Variants in DIP2A observed in about 807,000 individuals in gnomAD.
DIP2A encodes the protein DIP2 acetate--CoA ligase A.
DIP2A carries 85 observed loss-of-function variants against 177.4 expected under a neutral mutation model. That is an observed-to-expected ratio of 0.48 (90% CI 0.40 to 0.57). The LOEUF is 0.57. Ranked by LOEUF, DIP2A falls within the 20% of genes least tolerant of loss-of-function variation. The pLI, the probability that DIP2A is intolerant of heterozygous loss-of-function variation, is 0.00. For synonymous variants in DIP2A, 886 were observed against 881.8 expected, an observed-to-expected ratio of 1.00 and a Z score of -0.08; for missense variants, 1,791 against 2,100.2, an observed-to-expected ratio of 0.85 and a Z score of 2.88.
intron 32 of DIP2A, among the ~76,000 whole-genome samples, chr21:46,559,984 G>T (rs2060611331): frequency 6.6e-6 from 1 of 152,124 alleles, no homozygotes; most frequent in African/African-American, 2.4e-5. Flanking sequence ...TGTTCACAGT[G>T]GATATTACTT....
In DIP2A at chr21:46,547,028, T is replaced by C. The variant is rs756098938; in HGVS notation, c.2508T>C (p.Phe836=). The C allele has an allele frequency of 1.2e-6, 2 of 1,613,938 alleles. No homozygotes were observed. The highest frequency in any genetic ancestry group is 3.3e-5 in the Admixed American group (2 of 60,026). Residue 836 remains phenylalanine (F), a synonymous_variant, in exon 21 of 38, where the codon TTT becomes TTC. Transcript: ENST00000417564. ...CACTGGCCGTGGAGCCCATGAAGTT[T>C]GTCTACAGAGGCAGGTGATGCGCTG... ...ATALAVEPMK[F]VYRGRIAVFS...
Position 46,554,468 on chromosome 21 carries a change from A to G in DIP2A, c.3155-107A>G, listed in dbSNP as rs748424759. 8.2e-5 allele frequency: 126 copies of G among 1,544,972 alleles called. 1 individual carries two copies. The highest frequency in any genetic ancestry group is 1.1e-4 in the Non-Finnish European group (125 of 1,142,992). On this transcript the variant is annotated intron_variant, in intron 26 of 37. Coordinates refer to ENST00000417564, the MANE Select transcript of DIP2A (RefSeq NM_015151.4). ...CCCTGTGGAAACCCAGGAGTCACCC[A>G]TGCCCCCCCAGCACCACCTCCCCTC... is the stretch of plus-strand genomic sequence containing the variant.
chr21:46,532,301 A>C, intron 10 of DIP2A, 64 bp downstream of exon 10: 2 of 1,366,734 alleles, frequency 1.5e-6, no homozygotes, highest in South Asian at 2.5e-5. Flanking sequence ...GCAGTATCTT[A>C]CTTCCTTTTC....
intron 9 of DIP2A, among the ~76,000 whole-genome samples, chr21:46,529,539 T>A (rs777492677): frequency 6.6e-6 from 1 of 151,242 alleles, no homozygotes; most frequent in Non-Finnish European, 1.5e-5. Flanking sequence ...AGGTGGAGGT[T>A]GTAGTGAGCC....
At chr21:46,495,244 T>TTCTCTTCTTTCTC (rs2057275285) in intron 3 of DIP2A, among the ~76,000 whole-genome samples, 42 of 38,156 alleles carry the variant, frequency 1.1e-3, no homozygotes, top group East Asian at 5.9e-3. Flanking sequence ...CTTCTCTTCT[T>TTCTCTTCTTTCTC]TCTCTCTCTC....
intron 1 of DIP2A, among the ~76,000 whole-genome samples, chr21:46,468,473 T>G (rs2055057451): frequency 6.6e-6 from 1 of 151,344 alleles, no homozygotes; most frequent in South Asian, 2.1e-4. Flanking sequence ...AGCCCACTTG[T>G]GTCAGAAATT....
At chr21:46,574,559 A>G (rs1314064560), downstream of DIP2A, among the ~76,000 whole-genome samples, 3 of 152,140 alleles carry the variant, frequency 2.0e-5, no homozygotes, top group South Asian at 2.1e-4. Flanking sequence ...AACAAAATTG[A>G]CATTTTAGCT....
At position 46,504,361 on chromosome 21, in the gene DIP2A, A is replaced by G. The variant is rs750125539; in HGVS notation, c.656A>G (p.Asp219Gly). 2 of 1,613,812 alleles carry G rather than the reference A, an allele frequency of 1.2e-6. No homozygotes were observed. Among genetic ancestry groups the G allele is most frequent in the Non-Finnish European group, 1.7e-6 (2 of 1,179,814 alleles). Residue 219 changes from aspartate (D) to glycine (G), a missense_variant and splice_region_variant, in exon 6 of 38, where the codon GAT (aspartate) becomes GGT (glycine). Asp to Gly is a moderately conservative substitution (Grantham distance 94, BLOSUM62 -1). Transcript: ENST00000417564. ...LAGLEAHTHIDLHSAPPDVTT... is the reference protein window; with the variant it reads ...LAGLEAHTHIGLHSAPPDVTT... ...TTTTGGGTGTGTTTTTCAAAAGCAG[A>G]TCTGCATTCTGCCCCTCCTGATGTC...
At chr21:46,539,756 T>G (rs1274028713) in intron 16 of DIP2A, 121 bp from the exon 17 acceptor site, 2 of 818,112 alleles carry the variant, frequency 2.4e-6, no homozygotes, top group Non-Finnish European at 4.3e-6. Context: ...CCCTTCCTTC[T>G]GCTGATGCAG....
Position 46,563,390 on chromosome 21 carries a change from C to T in DIP2A, c.4090-468C>T, listed in dbSNP as rs115728142. Among the ~76,000 whole-genome samples, 106 of 152,326 alleles carry T rather than the reference C, an allele frequency of 7.0e-4. No individual in the cohort carries two copies. The highest frequency in any genetic ancestry group is 2.4e-3 in the African/African-American group (98 of 41,574). Reference sequence around the variant, plus strand: ...CAGGTAAGAGATGGTGGCCTCTTGCCGTCCTGAATTGGCACAGAGCCAGTG... The same window carrying T: ...CAGGTAAGAGATGGTGGCCTCTTGCTGTCCTGAATTGGCACAGAGCCAGTG... On this transcript the variant is annotated intron_variant, in intron 34 of 37. Coordinates refer to ENST00000417564, the MANE Select transcript of DIP2A (RefSeq NM_015151.4). This position sits in a 1 kb window ranked among gnomAD's most constrained non-coding sequence, Gnocchi z 4.3.
chr21:46,496,858 T>TG, intron 3 of DIP2A, 130 bp from the exon 4 acceptor site: 1 of 833,854 alleles, frequency 1.2e-6, no homozygotes, highest in Non-Finnish European at 1.7e-6. Flanking sequence ...AGGACCAACA[T>TG]GTGAGGATAG....
chr21:46,477,960 A>T (rs1038744655), intron 1 of DIP2A, among the ~76,000 whole-genome samples: 1 of 151,950 alleles, frequency 6.6e-6, no homozygotes, highest in Non-Finnish European at 1.5e-5. Flanking sequence ...TTTCATTTCT[A>T]TTGCAGTTGG....
rs141944661 is a variant in DIP2A, at chr21:46,537,666, C to T, written c.1801+127C>T. The T allele has an allele frequency of 2.8e-4, 260 of 935,032 alleles. 1 individual carries two copies. In the East Asian group the frequency reaches 4.2e-3, roughly 15 times the overall value. The allele number at this position is 935,032 out of a possible 1,614,324, so 57.9% of individuals were successfully genotyped here. The stretch of plus-strand genomic sequence containing the variant: ...AGATGTAGGCTGAAGAGCTGTGGGA[C>T]GTCTTTCTTGGTCACACCCCTGCCC... On this transcript the variant is annotated intron_variant, in intron 15 of 37. Coordinates refer to ENST00000417564, the MANE Select transcript of DIP2A (RefSeq NM_015151.4). The surrounding 1 kb of genome is among the most constrained non-coding windows in gnomAD (Gnocchi z 4.1).
Position 46,557,343 on chromosome 21 carries a change from G to C in DIP2A, c.3630-242G>C, listed in dbSNP as rs187509184. The C allele has an allele frequency of 1.7e-3, 1,045 of 625,514 alleles. 7 individuals are homozygous for C. Among genetic ancestry groups the C allele is most frequent in the Non-Finnish European group, 2.3e-3 (840 of 366,698 alleles). 38.7% of individuals were successfully genotyped at this position (625,514 alleles called of 1,614,324 possible). A position where few individuals can be genotyped will look rare whatever the true frequency, so the allele number is the denominator to read the frequency against. On this transcript the variant is annotated intron_variant, in intron 30 of 37. Coordinates refer to ENST00000417564, the MANE Select transcript of DIP2A (RefSeq NM_015151.4). The surrounding 1 kb of genome is among the most constrained non-coding windows in gnomAD (Gnocchi z 6.0). ...TGGCGATCCGTCTCTAGAAGTGAATGCCTCTGGAGTGGTGTCCCCGGATCC... is the reference window on the plus strand; with the variant it reads ...TGGCGATCCGTCTCTAGAAGTGAATCCCTCTGGAGTGGTGTCCCCGGATCC...
chr21:46,573,013 A>C (rs990330979), downstream of DIP2A, among the ~76,000 whole-genome samples: 1 of 152,008 alleles, frequency 6.6e-6, no homozygotes, highest in East Asian at 1.9e-4. Flanking sequence ...ATACATATAC[A>C]CTGTATGTTG....
intron 21 of DIP2A, among the ~76,000 whole-genome samples, chr21:46,547,864 C>T (rs1027247698): frequency 1.3e-5 from 2 of 151,790 alleles, no homozygotes; most frequent in African/African-American, 4.8e-5. Context: ...GAGATAGGGT[C>T]TCACTATGTT....
chr21:46,523,716 T>A (rs2058936515), intron 8 of DIP2A, among the ~76,000 whole-genome samples: 1 of 150,718 alleles, frequency 6.6e-6, no homozygotes, highest in Non-Finnish European at 1.5e-5. Context: ...ATTCTGAGCT[T>A]GCAAAGGCTT....
chr21:46,519,855 A>ATTTTTTTTT lies in DIP2A; in HGVS notation c.1102+8270_1102+8278dup, dbSNP rs59574579. Among the ~76,000 whole-genome samples, 27 of 53,018 alleles carry ATTTTTTTTT rather than the reference A, an allele frequency of 5.1e-4. 6 individuals are homozygous for ATTTTTTTTT. The highest frequency in any genetic ancestry group is 1.7e-3 in the African/African-American group (19 of 11,478). 34.8% of individuals were successfully genotyped at this position (53,018 alleles called of 152,430 possible). A position where few individuals can be genotyped will look rare whatever the true frequency, so the allele number is the denominator to read the frequency against. On this transcript the variant is annotated intron_variant, in intron 8 of 37. Transcript: ENST00000417564. ...GCCCAGAATTAGAATATTGATCTAG[A>ATTTTTTTTT]TTTTTTTTTTTTTTTTTTTTTTTTT...
rs2060074659 is a variant in DIP2A, at chr21:46,546,953, G to A, written c.2433G>A (p.Leu811=). Residue 811 remains leucine (L), a synonymous_variant, in exon 21 of 38, where the codon CTG becomes CTA. Coordinates refer to ENST00000417564, the MANE Select transcript of DIP2A (RefSeq NM_015151.4). ...TCATCGTGGGCAAACTGGACGGGCT[G>A]ATGGTCACTGGAGTTCGCAGACACA... ...LVFIVGKLDG[L]MVTGVRRHNA... is the part of the protein sequence containing the mutation. The A allele has an allele frequency of 1.9e-6, 3 of 1,613,882 alleles. No individual in the cohort carries two copies. The highest frequency in any genetic ancestry group is 2.5e-6 in the Non-Finnish European group (3 of 1,179,898).
Sources: gnomAD v4.1 joint callset for allele counts (sites outside exome capture counted in the v4.1 genomes callset) on GRCh38, gnomAD v4.1.1 for gene constraint, Gnocchi (gnomAD v3.1) non-coding constraint, MANE v1.5 for transcripts, NCBI Gene and HGNC (gene_info 2026-07-23, HGNC 2026-07-21) for gene names.